Variants in TFB1M observed in about 807,000 individuals in gnomAD.
TFB1M encodes dimethyladenosine transferase 1, mitochondrial.
A neutral mutation model predicts 31.1 loss-of-function variants in TFB1M; 27 were observed. The ratio of observed to expected loss-of-function variants is 0.87; its 90% CI spans 0.64 to 1.20. The LOEUF is 1.20. TFB1M is among the 50% of genes most tolerant of loss of function. The probability of loss-of-function intolerance (pLI) is 0.00; values close to 1 mark genes in which losing one functional copy is unlikely to be tolerated. For missense variants in TFB1M, 394 were observed against 418.7 expected (o/e 0.94, Z 0.51); for synonymous variants, 166 against 151.8 (o/e 1.09, Z -0.69).
At chr6:155,246,288 G>A in the TFB1M span, among the ~76,000 whole-genome samples, 3 of 151,972 alleles carry the variant, frequency 2.0e-5, no homozygotes, top group Non-Finnish European at 2.9e-5. Flanking sequence ...TCATGTCCAC[G>A]GATGCAGCTC....
the TFB1M span, among the ~76,000 whole-genome samples, chr6:155,237,058 C>G: frequency 6.6e-6 from 1 of 152,354 alleles, no homozygotes; most frequent in African/African-American, 2.4e-5. Flanking sequence ...GAAGGCAAGT[C>G]CCTTCCACCT....
At chr6:155,313,477 A>C (rs1300424412) in intron 1 of TFB1M, among the ~76,000 whole-genome samples, 1 of 152,118 alleles carries the variant, frequency 6.6e-6, no homozygotes, top group African/African-American at 2.4e-5. Context: ...AAACCTAAGT[A>C]CTCCAGCCGT....
chr6:155,244,866 G>A, the TFB1M span: 1 of 1,449,960 alleles, frequency 6.9e-7, no homozygotes. Context: ...TCATGAGAAA[G>A]AATTTCTTGT....
chr6:155,250,006 T>C, the TFB1M span: 1 of 1,541,772 alleles, frequency 6.5e-7, no homozygotes, highest in Non-Finnish European at 8.9e-7. Flanking sequence ...GCCTAGTGCA[T>C]GTGGTGTGGG....
chr6:155,242,373 A>G, the TFB1M span, among the ~76,000 whole-genome samples: 9 of 152,218 alleles, frequency 5.9e-5, no homozygotes, highest in Admixed American at 3.3e-4. Context: ...GATCCCCTGC[A>G]TGCTCCTTGA....
At chr6:155,251,635 T>G (rs562447089), downstream of TFB1M, among the ~76,000 whole-genome samples, 3 of 152,322 alleles carry the variant, frequency 2.0e-5, no homozygotes, top group South Asian at 4.1e-4. Context: ...GTTTTAATTC[T>G]GAGAGTTGGG....
chr6:155,292,179 G>C (rs1776955008), intron 4 of TFB1M, among the ~76,000 whole-genome samples: 1 of 152,126 alleles, frequency 6.6e-6, no homozygotes, highest in Non-Finnish European at 1.5e-5. Flanking sequence ...TGGGCTCAGG[G>C]AGCCAGACCT....
chr6:155,286,370 A>G (rs934997030), intron 4 of TFB1M, among the ~76,000 whole-genome samples: 8 of 151,748 alleles, frequency 5.3e-5, no homozygotes, highest in African/African-American at 1.9e-4. Flanking sequence ...AGACAGACAG[A>G]CACACACACA....
At chr6:155,253,073 T>G, downstream of TFB1M, 1 of 1,601,358 alleles carries the variant, frequency 6.2e-7, no homozygotes, top group East Asian at 2.2e-5. Flanking sequence ...TCGTGCAGTA[T>G]GATGCCAGAA....
chr6:155,283,321 A>G (rs1776471703), intron 5 of TFB1M, among the ~76,000 whole-genome samples: 1 of 152,178 alleles, frequency 6.6e-6, no homozygotes, highest in Admixed American at 6.5e-5. Flanking sequence ...AGTCCTTGAT[A>G]AGTGCTTTTC....
chr6:155,234,296 T>G, the TFB1M span, among the ~76,000 whole-genome samples: 2 of 152,196 alleles, frequency 1.3e-5, no homozygotes, highest in African/African-American at 4.8e-5. Context: ...ATCTGTCTTT[T>G]GCTTTTATTT....
At chr6:155,242,968 C>T in the TFB1M span, among the ~76,000 whole-genome samples, 3 of 151,424 alleles carry the variant, frequency 2.0e-5, no homozygotes, top group Non-Finnish European at 2.9e-5. Context: ...GTCTTGAACT[C>T]CTGACCTCAG....
the TFB1M span, among the ~76,000 whole-genome samples, chr6:155,236,357 G>GT: frequency 0.012 from 1,870 of 151,938 alleles, 33 homozygotes; most frequent in Non-Finnish European, 0.015. Context: ...ACCTGGGGGA[G>GT]TTTTTTTAAG....
chr6:155,254,326 C>A, downstream of TFB1M: 1 of 1,510,022 alleles, frequency 6.6e-7, no homozygotes, highest in Middle Eastern at 1.8e-4. Flanking sequence ...CCTGGTCCAG[C>A]AGGTGCAAGG....
rs1201439884 is a variant in TFB1M, at chr6:155,256,931, C to G, written c.*905G>C. The G allele has an allele frequency of 1.9e-6, 3 of 1,614,174 alleles. No individual in the cohort carries two copies. The highest frequency in any genetic ancestry group is 2.7e-5 in the African/African-American group (2 of 75,048). Reference sequence around the variant, plus strand: ...CACTTCTGCCCCATTAAACGAAAAGCCAACAGCACCAAGAGGGACAGAGGA... The same window carrying G: ...CACTTCTGCCCCATTAAACGAAAAGGCAACAGCACCAAGAGGGACAGAGGA... On this transcript the variant is annotated 3_prime_UTR_variant, in exon 7 of 7. Transcript: ENST00000367166.
chr6:155,311,466 T>TAA, intron 1 of TFB1M, 127 bp from the exon 2 acceptor site: 1 of 782,062 alleles, frequency 1.3e-6, no homozygotes, highest in Non-Finnish European at 2.1e-6. Context: ...TGTATAATAT[T>TAA]TATTTGACTA....
intron 5 of TFB1M, among the ~76,000 whole-genome samples, chr6:155,281,072 T>C (rs956922012): frequency 2.0e-5 from 3 of 152,174 alleles, no homozygotes; most frequent in Non-Finnish European, 4.4e-5. Flanking sequence ...AAAATTATAA[T>C]CCTTATTTTT....
Position 155,310,913 on chromosome 6 carries a change from A to G in TFB1M, c.285+275T>C, listed in dbSNP as rs189929607. The G allele has an allele frequency of 8.2e-5, 34 of 415,982 alleles. No individual in the cohort carries two copies. The East Asian group carries it at 1.4e-3, about 17-fold the overall frequency. The allele number at this position is 415,982 out of a possible 1,614,324, so 25.8% of individuals were successfully genotyped here. On this transcript the variant is annotated intron_variant, in intron 2 of 6. Coordinates refer to ENST00000367166, the MANE Select transcript of TFB1M (RefSeq NM_016020.4). ...CATAGCTATTAGCAGACTTAAAAAA[A>G]AAAATCACACAAAACAATTAATTTG...
At chr6:155,247,896 A>T in the TFB1M span, 12 of 1,383,750 alleles carry the variant, frequency 8.7e-6, no homozygotes, top group Non-Finnish European at 1.2e-5. Flanking sequence ...GAATGGCATT[A>T]GGAGGACTAT....
Sources: allele counts gnomAD v4.1 joint callset (sites outside exome capture counted in the v4.1 genomes callset), GRCh38; gene constraint gnomAD v4.1.1; transcripts MANE v1.5; gene names NCBI Gene and HGNC (gene_info 2026-07-23, HGNC 2026-07-21).